WDPCP: variants seen among roughly 807,000 people sequenced by gnomAD.
WDPCP encodes the protein WD repeat-containing and planar cell polarity effector protein fritz homolog.
WDPCP carries 71 observed loss-of-function variants against 93.1 expected under a neutral mutation model. That is an observed-to-expected ratio of 0.76 (90% CI 0.63 to 0.93). The LOEUF (loss-of-function observed/expected upper bound fraction) is 0.93. Ranked by LOEUF, WDPCP falls within the 40% of genes least tolerant of loss-of-function variation. WDPCP has a pLI of 0.00. For synonymous variants in WDPCP, 315 were observed against 315.0 expected (o/e 1.00, Z 0.00); for missense variants, 844 against 887.4 (o/e 0.95, Z 0.62).
chr2:63,734,340 TTATG>T (rs575965206), intron 2 of WDPCP, among the ~76,000 whole-genome samples: 28 of 152,146 alleles, frequency 1.8e-4, no homozygotes, highest in Non-Finnish European at 2.5e-4. Flanking sequence ...TAAAGTGGCT[TTATG>T]TATGTATTTA....
chr2:63,786,998 G>A (rs1370710641), intron 2 of WDPCP, among the ~76,000 whole-genome samples: 2 of 152,182 alleles, frequency 1.3e-5, no homozygotes, highest in Non-Finnish European at 2.9e-5. Context: ...AATGAGGAAA[G>A]GGTACTATTT....
chr2:63,279,847 A>T (rs1425224949), intron 13 of WDPCP, among the ~76,000 whole-genome samples: 1 of 152,086 alleles, frequency 6.6e-6, no homozygotes, highest in African/African-American at 2.4e-5. Context: ...CAAGAACTCA[A>T]CCCCTTTTAC....
intron 1 of WDPCP, among the ~76,000 whole-genome samples, chr2:63,578,284 A>G (rs1708250065): frequency 6.6e-6 from 1 of 152,172 alleles, no homozygotes; most frequent in South Asian, 2.1e-4. Flanking sequence ...AAATCTCACC[A>G]TATTAGTATC....
At chr2:63,712,193 C>T (rs988960953) in intron 2 of WDPCP, among the ~76,000 whole-genome samples, 2 of 152,138 alleles carry the variant, frequency 1.3e-5, no homozygotes, top group African/African-American at 4.8e-5. Context: ...AGGAAGGGCC[C>T]AGTGTGCCAG....
intron 3 of WDPCP, among the ~76,000 whole-genome samples, chr2:63,614,883 C>T (rs1302156704): frequency 6.6e-6 from 1 of 152,214 alleles, no homozygotes; most frequent in African/African-American, 2.4e-5. Flanking sequence ...CATTTCTACG[C>T]AACTGTCTAT....
chr2:63,331,155 T>G (rs938706302), intron 12 of WDPCP, among the ~76,000 whole-genome samples: 1 of 152,176 alleles, frequency 6.6e-6, no homozygotes, highest in Non-Finnish European at 1.5e-5. Flanking sequence ...CATGCCTAAT[T>G]TTTTTAAAGC....
At chr2:63,233,367 A>C in intron 14 of WDPCP, 1 of 256,832 alleles carries the variant, frequency 3.9e-6, no homozygotes, top group Non-Finnish European at 7.6e-6. Flanking sequence ...AAAAGATGGA[A>C]CCATAAATCC....
At chr2:63,528,090 G>A (rs913832099) in intron 1 of WDPCP, among the ~76,000 whole-genome samples, 1 of 150,598 alleles carries the variant, frequency 6.6e-6, no homozygotes, top group Non-Finnish European at 1.5e-5. Flanking sequence ...TTGTAAATTT[G>A]AGTTCTTTGT....
intron 11 of WDPCP, 37 bp downstream of exon 11, chr2:63,381,869 T>A (rs1479553990): frequency 6.2e-7 from 1 of 1,607,552 alleles, no homozygotes; most frequent in East Asian, 2.2e-5. Flanking sequence ...TTCATGTATA[T>A]ACAAAACTCA....
chr2:63,337,883 A>G (rs1243873558), intron 12 of WDPCP, among the ~76,000 whole-genome samples: 1 of 152,168 alleles, frequency 6.6e-6, no homozygotes, highest in East Asian at 1.9e-4. Context: ...AGCTCCTTAT[A>G]TATTCTGATT....
At chr2:63,707,000 T>C (rs1027729778) in intron 2 of WDPCP, among the ~76,000 whole-genome samples, 3 of 152,226 alleles carry the variant, frequency 2.0e-5, no homozygotes, top group African/African-American at 7.2e-5. Flanking sequence ...AGATCAGTTG[T>C]TAGTCTGATG....
chr2:63,487,333 T>G, intron 3 of WDPCP, 114 bp downstream of exon 3: 1 of 751,488 alleles, frequency 1.3e-6, no homozygotes, highest in South Asian at 1.9e-5. Flanking sequence ...GGGACTTTTC[T>G]TAAAATTCTA....
intron 14 of WDPCP, among the ~76,000 whole-genome samples, chr2:63,204,336 CTTTTTTTT>C (rs397872785): frequency 4.3e-5 from 4 of 92,294 alleles, no homozygotes; most frequent in East Asian, 2.7e-4. Context: ...GCCCGTTTGC[CTTTTTTTT>C]TTTTTTTTTT....
intron 12 of WDPCP, among the ~76,000 whole-genome samples, chr2:63,325,315 C>A (rs1316829512): frequency 6.6e-6 from 1 of 152,194 alleles, no homozygotes; most frequent in African/African-American, 2.4e-5. Flanking sequence ...ACCCCCTCGT[C>A]CATGTCCGCT....
At chr2:63,625,169 G>T (rs1320056182) in intron 3 of WDPCP, among the ~76,000 whole-genome samples, 2 of 152,138 alleles carry the variant, frequency 1.3e-5, no homozygotes, top group African/African-American at 4.8e-5. Context: ...GGTATTGATG[G>T]AATGTATCTC....
intron 3 of WDPCP, among the ~76,000 whole-genome samples, chr2:63,646,371 G>A (rs1710050220): frequency 6.6e-6 from 1 of 151,942 alleles, no homozygotes; most frequent in Non-Finnish European, 1.5e-5. Context: ...CTATGTCTAA[G>A]TTGTCATAGT....
At chr2:63,216,579 G>T (rs1291939495) in intron 14 of WDPCP, among the ~76,000 whole-genome samples, 1 of 152,086 alleles carries the variant, frequency 6.6e-6, no homozygotes, top group African/African-American at 2.4e-5. Context: ...GGAGGGGAGA[G>T]GGATAGCATT....
chr2:63,347,841 T>A (rs886539406), intron 12 of WDPCP, among the ~76,000 whole-genome samples: 1 of 151,596 alleles, frequency 6.6e-6, no homozygotes, highest in African/African-American at 2.4e-5. Flanking sequence ...GACTTATATG[T>A]TAGGGACCTA....
intron 2 of WDPCP, among the ~76,000 whole-genome samples, chr2:63,807,006 G>A (rs1348120963): frequency 2.0e-5 from 3 of 152,066 alleles, no homozygotes; most frequent in African/African-American, 7.3e-5. Context: ...AGTAAAGACA[G>A]GCATAGGAAA....
Sources: allele counts gnomAD v4.1 joint callset (sites outside exome capture counted in the v4.1 genomes callset), GRCh38; gene constraint gnomAD v4.1.1; transcripts MANE v1.5; gene names NCBI Gene and HGNC (gene_info 2026-07-23, HGNC 2026-07-21).